The following BAX variants were observed in gnomAD, a reference collection of about 807,000 sequenced individuals.
BAX encodes the protein BCL2 associated X, apoptosis regulator.
In BAX, 21 loss-of-function variants were observed where a neutral mutation model predicts 26.8. That is an observed-to-expected ratio of 0.78 (90% CI 0.56 to 1.13). The LOEUF is 1.13. Ranked by LOEUF, BAX falls within the 50% of genes most tolerant of loss-of-function variation. BAX has a pLI of 0.00. For synonymous variants in BAX, 110 were observed against 101.8 expected, an observed-to-expected ratio of 1.08 and a Z score of -0.49; for missense variants, 236 against 254.6, an observed-to-expected ratio of 0.93 and a Z score of 0.50.
chr19:48,958,577 G>A (rs4645896), intron 4 of BAX, among the ~76,000 whole-genome samples: 7,345 of 145,742 alleles, frequency 0.05, 288 homozygotes, highest in Non-Finnish European at 0.079. Context: ...AGTCTCTCTC[G>A]GTTGCACCCA....
At chr19:48,958,764 C>G (rs1235104777) in intron 4 of BAX, among the ~76,000 whole-genome samples, 2 of 151,848 alleles carry the variant, frequency 1.3e-5, no homozygotes, top group Non-Finnish European at 2.9e-5. Flanking sequence ...AGGCTGGTCT[C>G]GAACTCCTTA....
At chr19:48,956,038 C>G (rs1051529077) in intron 3 of BAX, 160 bp from the exon 4 acceptor site, 4 of 1,169,026 alleles carry the variant, frequency 3.4e-6, no homozygotes, top group Admixed American at 5.6e-5. Context: ...TCCTAAATGT[C>G]TGTCTTGTCC....
At chr19:48,959,643 T>A (rs2038276120) in intron 4 of BAX, among the ~76,000 whole-genome samples, 1 of 146,418 alleles carries the variant, frequency 6.8e-6, no homozygotes, top group Non-Finnish European at 1.5e-5. Flanking sequence ...GGTGAAACCT[T>A]GTCTGCACTA....
At chr19:48,958,463 T>C (rs2038221566) in intron 4 of BAX, among the ~76,000 whole-genome samples, 1 of 146,666 alleles carries the variant, frequency 6.8e-6, no homozygotes, top group Non-Finnish European at 1.5e-5. Context: ...CAAGCAATTC[T>C]ACCTCAGCCT....
At position 48,955,342 on chromosome 19, in the gene BAX, G is replaced by T. The variant is rs148546088; in HGVS notation, c.35-206G>T. 9.7e-5 allele frequency: 51 copies of T among 528,126 alleles called. 1 individual carries two copies. The East Asian group carries it at 1.2e-3, about 12-fold the overall frequency. 32.7% of individuals were successfully genotyped at this position (528,126 alleles called of 1,614,324 possible). ...GCGTTCCCCTAGCCTCTTTCCCCGGGGAGAATGTAGGATACAGGCCCAGCC... is the reference window on the plus strand; with the variant it reads ...GCGTTCCCCTAGCCTCTTTCCCCGGTGAGAATGTAGGATACAGGCCCAGCC... On this transcript the variant is annotated intron_variant, in intron 1 of 5. Transcript: ENST00000345358.
At position 48,954,924 on chromosome 19, in the gene BAX, C is replaced by T; in HGVS notation, c.-5C>T. 8.1e-7 allele frequency: 1 copy of T among 1,230,402 alleles called. No homozygotes were observed. The highest frequency in any genetic ancestry group is 1.0e-6 in the Non-Finnish European group (1 of 985,838). 76.2% of individuals were successfully genotyped at this position (1,230,402 alleles called of 1,614,324 possible). ...CGGCGAGAGGCGGCGGCGGGAGCGGCGGTGATGGACGGGTCCGGGGAGCAG... is the reference window on the plus strand; with the variant it reads ...CGGCGAGAGGCGGCGGCGGGAGCGGTGGTGATGGACGGGTCCGGGGAGCAG... On this transcript the variant is annotated 5_prime_UTR_variant, in exon 1 of 6. Coordinates refer to ENST00000345358, the MANE Select transcript of BAX (RefSeq NM_138761.4).
rs1244297607 is a variant in BAX, at chr19:48,961,751, G to A, written c.*115G>A. The A allele has an allele frequency of 1.8e-5, 16 of 910,452 alleles. No individual in the cohort carries two copies. The highest frequency in any genetic ancestry group is 2.6e-5 in the Non-Finnish European group (16 of 606,042). 56.4% of individuals were successfully genotyped at this position (910,452 alleles called of 1,614,324 possible). On this transcript the variant is annotated 3_prime_UTR_variant, in exon 6 of 6. Transcript: ENST00000345358. ...CTTACTTTTGTAATTATTGGGGGGT[G>A]TGGGGAAGAGTGGTCTTGAGGGGGT...
chr19:48,956,598 G>C (rs1256869085), intron 4 of BAX, among the ~76,000 whole-genome samples: 1 of 152,232 alleles, frequency 6.6e-6, no homozygotes, highest in African/African-American at 2.4e-5. Context: ...TTCACGTGCA[G>C]GGGTGAAGTA....
intron 1 of BAX, 195 bp downstream of exon 1, chr19:48,955,157 CCT>C (rs1246666896): frequency 2.0e-5 from 13 of 658,114 alleles, no homozygotes; most frequent in Non-Finnish European, 2.8e-5. Flanking sequence ...CCGATCCCTG[CCT>C]CTCTGGCGCT....
intron 4 of BAX, chr19:48,960,167 CATT>C (rs975947102): frequency 1.3e-4 from 55 of 425,878 alleles, no homozygotes; most frequent in African/African-American, 8.1e-4. Context: ...TTGAGAGTAA[CATT>C]ATCTTGTTTA....
intron 4 of BAX, among the ~76,000 whole-genome samples, chr19:48,958,094 C>CG (rs2038208528): frequency 2.7e-5 from 1 of 36,628 alleles, no homozygotes; most frequent in African/African-American, 8.9e-5. Flanking sequence ...GCGGGGGGGG[C>CG]ATTTTTTTTT....
chr19:48,956,015 AT>A, intron 3 of BAX, 182 bp downstream of exon 3: 16 of 1,133,360 alleles, frequency 1.4e-5, no homozygotes, highest in South Asian at 1.8e-5. Flanking sequence ...TCAGGGAGTC[AT>A]TTTTCCCACC....
chr19:48,955,297 C>G (rs1600100540), intron 1 of BAX: 1 of 441,388 alleles, frequency 2.3e-6, no homozygotes. Context: ...CCCCTCAGGC[C>G]AGGGGTCTGG....
Position 48,955,762 on chromosome 19 carries a change from G to A in BAX, c.162G>A (p.Ala54=), listed in dbSNP as rs1353434696. The part of the protein sequence containing the change: ...ELALDPVPQD[A]STKKLSECLK... ...CCCTGGACCCGGTGCCTCAGGATGC[G>A]TCCACCAAGAAGCTGAGCGAGTGTC... Residue 54 remains alanine, a synonymous_variant, in exon 3 of 6, where the codon GCG becomes GCA. Coordinates refer to ENST00000345358, the MANE Select transcript of BAX (RefSeq NM_138761.4). The A allele has an allele frequency of 9.9e-6, 16 of 1,613,494 alleles. No individual in the cohort carries two copies. The highest frequency in any genetic ancestry group is 1.4e-5 in the Non-Finnish European group (16 of 1,179,756).
chr19:48,956,038 C>CT, intron 3 of BAX, 160 bp from the exon 4 acceptor site: 1 of 1,169,026 alleles, frequency 8.6e-7, no homozygotes, highest in East Asian at 2.6e-5. Flanking sequence ...TCCTAAATGT[C>CT]TGTCTTGTCC....
chr19:48,956,801 G>A lies in BAX; in HGVS notation c.369+468G>A, dbSNP rs1001083757. ...TTCCTGAGTAGCTGGGATTATGGGT[G>A]TGCACCATTATCCCTGGCTTTTTTT... On this transcript the variant is annotated intron_variant, in intron 4 of 5. Transcript: ENST00000345358. 3.4e-5 allele frequency among the ~76,000 whole-genome samples: 5 copies of A among 145,378 alleles called. No individual in the cohort carries two copies. In the Admixed American group the frequency reaches 3.5e-4, roughly 10 times the overall value.
In BAX at chr19:48,960,893, G is replaced by A; in HGVS notation, c.453G>A (p.Trp151Ter). 6.2e-7 allele frequency: 1 copy of A among 1,614,104 alleles called. No individual in the cohort carries two copies. Among genetic ancestry groups the A allele is most frequent in the Non-Finnish European group, 8.5e-7 (1 of 1,180,016 alleles). The change falls in exon 5 of 6, where the codon TGG becomes TGA. Residue 151 changes from tryptophan to a stop codon, truncating the protein, a stop_gained. Transcript: ENST00000345358. LOFTEE classifies it high-confidence loss of function. The stretch of plus-strand genomic sequence containing the variant: ...TCCTCCGGGAGCGGCTGTTGGGCTG[G>A]ATCCAAGACCAGGGTGGTTGGGTGA... ...LDFLRERLLG[W>*]IQDQGGWDGL...
intron 5 of BAX, chr19:48,961,263 TCCCCAC>T: frequency 1.4e-6 from 2 of 1,405,412 alleles, no homozygotes; most frequent in Middle Eastern, 1.9e-4. Context: ...TTTTTTTTTT[TCCCCAC>T]TGAGAAGGGG....
chr19:48,954,889 C>T lies in BAX; in HGVS notation c.-40C>T, dbSNP rs747772839. ...GTGACCCGGGCGCGCTGCGGCCGCC[C>T]GCGCGGACCCGGCGAGAGGCGGCGG... On this transcript the variant is annotated 5_prime_UTR_variant, in exon 1 of 6. Coordinates refer to ENST00000345358, the MANE Select transcript of BAX (RefSeq NM_138761.4). 9.0e-4 allele frequency: 1,101 copies of T among 1,226,628 alleles called. 2 individuals are homozygous for T. Among genetic ancestry groups the T allele is most frequent in the Non-Finnish European group, 1.0e-3 (980 of 984,340 alleles). The allele number at this position is 1,226,628 out of a possible 1,614,324, so 76.0% of individuals were successfully genotyped here.
Sources: gnomAD v4.1 joint callset for allele counts (sites outside exome capture counted in the v4.1 genomes callset) on GRCh38, gnomAD v4.1.1 for gene constraint, MANE v1.5 for transcripts, NCBI Gene and HGNC (gene_info 2026-07-23, HGNC 2026-07-21) for gene names.